SEC13: variants seen among roughly 807,000 people sequenced by gnomAD.
SEC13 encodes SEC13 homolog, nuclear pore and COPII component.
In SEC13, 25 loss-of-function variants were observed where a neutral mutation model predicts 49.2. The ratio of observed to expected loss-of-function variants is 0.51; its 90% CI spans 0.37 to 0.71. The LOEUF (loss-of-function observed/expected upper bound fraction) is 0.71. SEC13 is among the 30% of genes least tolerant of loss of function. The pLI, the probability that SEC13 is intolerant of heterozygous loss-of-function variation, is 0.00. For missense variants in SEC13, 383 were observed against 417.6 expected (o/e 0.92, Z 0.72); for synonymous variants, 148 against 163.9 (o/e 0.90, Z 0.74).
At chr3:10,307,464 AAAG>A (rs1459514464) in intron 5 of SEC13, among the ~76,000 whole-genome samples, 1 of 152,186 alleles carries the variant, frequency 6.6e-6, no homozygotes, top group African/African-American at 2.4e-5. Context: ...TTTACAAAAA[AAAG>A]AGAGGTTTAA....
intron 5 of SEC13, among the ~76,000 whole-genome samples, chr3:10,307,007 T>A (rs1259455212): frequency 1.3e-5 from 2 of 152,188 alleles, no homozygotes; most frequent in African/African-American, 4.8e-5. Context: ...ACTGGTTCTA[T>A]CACTTTCCAA....
chr3:10,320,860 C>T, intron 1 of SEC13, 190 bp downstream of exon 1: 1 of 1,341,890 alleles, frequency 7.5e-7, no homozygotes, highest in Non-Finnish European at 9.6e-7. Context: ...AGGGAGGTTC[C>T]TCGGCCTCAC....
chr3:10,319,795 A>AGAGAG (rs1309904220), intron 1 of SEC13, among the ~76,000 whole-genome samples: 9 of 2,346 alleles, frequency 3.8e-3, no homozygotes, highest in African/African-American at 0.011. Context: ...AGAGAGAGAG[A>AGAGAG]AGGCGGGGGG....
intron 1 of SEC13, chr3:10,320,479 T>C: frequency 8.1e-6 from 8 of 983,096 alleles, no homozygotes; most frequent in Non-Finnish European, 9.7e-6. Flanking sequence ...GTTCAGGCCA[T>C]CTTTACGTTT....
chr3:10,300,993 C>G lies in SEC13; in HGVS notation c.*268G>C. The G allele has an allele frequency of 7.7e-7, 1 of 1,292,190 alleles. No homozygotes were observed. The highest frequency in any genetic ancestry group is 1.3e-5 in the South Asian group (1 of 77,436). The allele number at this position is 1,292,190 out of a possible 1,614,324, so 80.0% of individuals were successfully genotyped here. On this transcript the variant is annotated 3_prime_UTR_variant, in exon 9 of 9. Transcript: ENST00000350697. ...CAAAACCCCCCAAATAATGCCTGAACCCAAAGGTACATAAAAATGACCCAA... is the reference window on the plus strand; with the variant it reads ...CAAAACCCCCCAAATAATGCCTGAAGCCAAAGGTACATAAAAATGACCCAA...
At chr3:10,304,737 G>A (rs697231) in intron 7 of SEC13, among the ~76,000 whole-genome samples, 17,181 of 152,130 alleles carry the variant, frequency 0.11, 1,338 homozygotes, top group East Asian at 0.41. Context: ...ACTTGGAACT[G>A]CACCTGGGCA....
intron 5 of SEC13, among the ~76,000 whole-genome samples, chr3:10,306,746 C>T (rs58800692): frequency 0.017 from 2,584 of 152,252 alleles, 69 homozygotes; most frequent in African/African-American, 0.058. Flanking sequence ...CTAGATCTGA[C>T]GATTTTAAAA....
At chr3:10,319,956 G>A (rs895608950) in intron 1 of SEC13, among the ~76,000 whole-genome samples, 1 of 100,634 alleles carries the variant, frequency 9.9e-6, no homozygotes, top group African/African-American at 3.9e-5. Flanking sequence ...GAGAAAGGGA[G>A]AGGGAGAGGA....
intron 1 of SEC13, chr3:10,319,290 ACT>A (rs1404280234): frequency 1.6e-5 from 25 of 1,597,388 alleles, no homozygotes; most frequent in Middle Eastern, 1.7e-4. Context: ...CAGATTCTAG[ACT>A]CTCTAAAAAC....
In SEC13 at chr3:10,316,385, C is replaced by T. The variant is rs539167548; in HGVS notation, c.49-949G>A. Among the ~76,000 whole-genome samples, 167 of 152,178 alleles carry T rather than the reference C, an allele frequency of 1.1e-3. 3 individuals carry two copies. The highest frequency in any genetic ancestry group is 1.1e-3 in the Non-Finnish European group (75 of 68,034). On this transcript the variant is annotated intron_variant, in intron 2 of 8. Transcript: ENST00000350697. ...ATTCTGTCTGGCTCAGATGGGAATTCTCACCTCCCTACGCAAGGAACACAT... is the reference window on the plus strand; with the variant it reads ...ATTCTGTCTGGCTCAGATGGGAATTTTCACCTCCCTACGCAAGGAACACAT...
At chr3:10,301,846 C>T (rs564048683) in intron 8 of SEC13, among the ~76,000 whole-genome samples, 3 of 152,244 alleles carry the variant, frequency 2.0e-5, no homozygotes, top group African/African-American at 2.4e-5. Context: ...AGGAAGGTAA[C>T]AGTTCAATAT....
intron 1 of SEC13, among the ~76,000 whole-genome samples, chr3:10,319,623 C>G (rs1198154687): frequency 6.6e-6 from 1 of 151,930 alleles, no homozygotes; most frequent in Non-Finnish European, 1.5e-5. Flanking sequence ...TTCTGTAAAG[C>G]TGCGGTTAAG....
intron 5 of SEC13, 31 bp from the exon 6 acceptor site, chr3:10,305,723 C>T: frequency 1.9e-6 from 3 of 1,612,980 alleles, no homozygotes; most frequent in Non-Finnish European, 2.5e-6. Context: ...GTGACTCTGC[C>T]TTGCAAGAGA....
At chr3:10,311,143 G>A (rs1701226840) in intron 5 of SEC13, among the ~76,000 whole-genome samples, 1 of 152,082 alleles carries the variant, frequency 6.6e-6, no homozygotes, top group East Asian at 1.9e-4. Flanking sequence ...ACACAATAAA[G>A]ATGTGCATGT....
At chr3:10,318,978 T>C (rs1032236246) in intron 1 of SEC13, among the ~76,000 whole-genome samples, 7 of 152,242 alleles carry the variant, frequency 4.6e-5, no homozygotes, top group Admixed American at 4.6e-4. Context: ...TCCAGCACAG[T>C]GCTTTGCAAA....
At chr3:10,311,587 C>G in intron 5 of SEC13, 1 of 974,350 alleles carries the variant, frequency 1.0e-6, no homozygotes. Flanking sequence ...TTATATTAAT[C>G]TTTCTTAAAT....
chr3:10,306,118 C>A (rs1296668766), intron 5 of SEC13, among the ~76,000 whole-genome samples: 2 of 152,146 alleles, frequency 1.3e-5, no homozygotes, highest in Admixed American at 1.3e-4. Flanking sequence ...AACTTCTAAC[C>A]CATTTTCCCC....
chr3:10,307,097 G>C (rs1234299626), intron 5 of SEC13, among the ~76,000 whole-genome samples: 1 of 151,890 alleles, frequency 6.6e-6, no homozygotes, highest in Non-Finnish European at 1.5e-5. Context: ...TGTCACCCAG[G>C]CTAGAGTGCA....
intron 2 of SEC13, among the ~76,000 whole-genome samples, 185 bp downstream of exon 2, chr3:10,317,865 A>C (rs550507445): frequency 5.0e-4 from 76 of 151,966 alleles, no homozygotes; most frequent in Non-Finnish European, 8.8e-4. Flanking sequence ...AGTCCTGACA[A>C]CTCAGAGGGC....
Sources: gnomAD v4.1 joint callset for allele counts (sites outside exome capture counted in the v4.1 genomes callset) on GRCh38, gnomAD v4.1.1 for gene constraint, MANE v1.5 for transcripts, NCBI Gene and HGNC (gene_info 2026-07-23, HGNC 2026-07-21) for gene names.